TFDP2: variants seen among roughly 807,000 people sequenced by gnomAD.
TFDP2 encodes the protein transcription factor Dp-2.
A neutral mutation model predicts 59.3 loss-of-function variants in TFDP2; 17 were observed. The ratio of observed to expected loss-of-function variants is 0.29; its 90% confidence interval spans 0.20 to 0.43. The LOEUF is 0.43. Ranked by LOEUF, TFDP2 falls within the 20% of genes least tolerant of loss-of-function variation. The pLI is 1.00. For missense variants in TFDP2, 391 were observed against 528.8 expected (o/e 0.74, Z 2.56); for synonymous variants, 180 against 194.7 (o/e 0.92, Z 0.63).
At chr3:142,097,207 A>G (rs1483861158) in intron 2 of TFDP2, among the ~76,000 whole-genome samples, 2 of 152,214 alleles carry the variant, frequency 1.3e-5, no homozygotes, top group African/African-American at 4.8e-5. Flanking sequence ...GTGCAATCTT[A>G]GCAATATGAA....
At chr3:141,983,925 T>C (rs545734440) in intron 6 of TFDP2, among the ~76,000 whole-genome samples, 27 of 152,192 alleles carry the variant, frequency 1.8e-4, no homozygotes, top group Middle Eastern at 3.4e-3. Context: ...AAAGTAAACA[T>C]AGAATTACCA....
At chr3:142,002,579 A>C (rs1224057709) in intron 4 of TFDP2, among the ~76,000 whole-genome samples, 1 of 152,064 alleles carries the variant, frequency 6.6e-6, no homozygotes, top group African/African-American at 2.4e-5. Context: ...CATTCTGTTC[A>C]TGACCACGGA....
intron 3 of TFDP2, among the ~76,000 whole-genome samples, chr3:142,030,358 T>C (rs1946363076): frequency 6.6e-6 from 1 of 152,202 alleles, no homozygotes; most frequent in South Asian, 2.1e-4. Flanking sequence ...ATAAATCACA[T>C]AAAATTCTAT....
intron 3 of TFDP2, among the ~76,000 whole-genome samples, chr3:142,042,349 T>C (rs539316947): frequency 2.1e-4 from 32 of 152,218 alleles, no homozygotes; most frequent in Admixed American, 1.4e-3. Flanking sequence ...TGGAGTGTTG[T>C]GGCATGATCT....
intron 3 of TFDP2, among the ~76,000 whole-genome samples, chr3:142,073,711 AAAC>A (rs2108555909): frequency 6.6e-6 from 1 of 152,320 alleles, no homozygotes; most frequent in East Asian, 1.9e-4. Flanking sequence ...ATTCACTTGC[AAAC>A]AATTCACTTT....
chr3:141,985,546 C>A (rs1048256681), intron 6 of TFDP2, among the ~76,000 whole-genome samples: 7 of 145,708 alleles, frequency 4.8e-5, no homozygotes, highest in Admixed American at 4.1e-4. Flanking sequence ...AAAAAAAACA[C>A]CTATTTTTTC....
chr3:142,053,202 C>G (rs1205470998), intron 3 of TFDP2, among the ~76,000 whole-genome samples: 2 of 152,102 alleles, frequency 1.3e-5, no homozygotes, highest in Non-Finnish European at 2.9e-5. Flanking sequence ...TTGTCCGCTC[C>G]AAATCTCATG....
chr3:142,098,614 A>G (rs903937498), intron 2 of TFDP2, among the ~76,000 whole-genome samples: 3 of 152,140 alleles, frequency 2.0e-5, no homozygotes, highest in Non-Finnish European at 4.4e-5. Context: ...AAACATAAAT[A>G]CTAAAAAGGG....
chr3:142,138,959 T>C (rs1288339482), intron 1 of TFDP2, among the ~76,000 whole-genome samples: 4 of 152,058 alleles, frequency 2.6e-5, no homozygotes, highest in Non-Finnish European at 4.4e-5. Flanking sequence ...AATATTGACA[T>C]TGGGATGTTA....
intron 6 of TFDP2, among the ~76,000 whole-genome samples, chr3:141,982,518 C>T (rs11569217): frequency 2.8e-4 from 43 of 152,028 alleles, no homozygotes; most frequent in Non-Finnish European, 5.0e-4. Context: ...ACCTTCAGGC[C>T]AGCCAGTTAC....
Position 141,978,742 on chromosome 3 carries a change from T to A in TFDP2, c.357-60A>T, listed in dbSNP as rs1447212475. On this transcript the variant is annotated intron_variant, in intron 6 of 12. Transcript: ENST00000489671. ...ACATATTAGAGACTTTCTTTACAAA[T>A]CTCTGTAAGATAATGCAAGAAGACA... 3 of 1,287,464 alleles carry A rather than the reference T, an allele frequency of 2.3e-6. No individual in the cohort carries two copies. The African/African-American group carries it at 4.5e-5, about 20-fold the overall frequency. The allele number at this position is 1,287,464 out of a possible 1,614,324, so 79.8% of individuals were successfully genotyped here.
intron 3 of TFDP2, among the ~76,000 whole-genome samples, chr3:142,074,743 T>C (rs2108559767): frequency 6.6e-6 from 1 of 152,182 alleles, no homozygotes; most frequent in South Asian, 2.1e-4. Context: ...TCCCGGCTAC[T>C]CGGGAGGCTG....
In TFDP2 at chr3:142,042,776, T is replaced by C. The variant is rs1315550107; in HGVS notation, c.83-37232A>G. Among the ~76,000 whole-genome samples, 10 of 148,784 alleles carry C rather than the reference T, an allele frequency of 6.7e-5. No individual in the cohort carries two copies. In the East Asian group the frequency reaches 2.0e-3, roughly 29 times the overall value. ...TTTTTTTGAGACGGAGTTTCGCTTTTTTGCCCAGGCTGGAGTGCAATGGCT... is the reference window on the plus strand; with the variant it reads ...TTTTTTTGAGACGGAGTTTCGCTTTCTTGCCCAGGCTGGAGTGCAATGGCT... On this transcript the variant is annotated intron_variant, in intron 3 of 12. Coordinates refer to ENST00000489671, the MANE Select transcript of TFDP2 (RefSeq NM_001178139.2).
At position 141,984,731 on chromosome 3, in the gene TFDP2, T is replaced by C. The variant is rs369673838; in HGVS notation, c.357-6049A>G. 7.2e-5 allele frequency among the ~76,000 whole-genome samples: 11 copies of C among 152,328 alleles called. No homozygotes were observed. In the East Asian group the frequency reaches 1.5e-3, roughly 21 times the overall value. On this transcript the variant is annotated intron_variant, in intron 6 of 12. Coordinates refer to ENST00000489671, the MANE Select transcript of TFDP2 (RefSeq NM_001178139.2). ...TTTTGGTTTTGAACTGACTTATGTT[T>C]TGTTGTCTTTGATGCTTAAGTTTTG...
intron 6 of TFDP2, among the ~76,000 whole-genome samples, chr3:141,984,360 G>A (rs981057610): frequency 6.6e-6 from 1 of 152,168 alleles, no homozygotes; most frequent in African/African-American, 2.4e-5. Flanking sequence ...TAGCTGGTGT[G>A]GTGGCGCGTG....
intron 3 of TFDP2, among the ~76,000 whole-genome samples, chr3:142,083,098 TA>T (rs1370676703): frequency 1.4e-4 from 22 of 152,274 alleles, no homozygotes; most frequent in Non-Finnish European, 7.4e-5. Context: ...TTGCAGATAA[TA>T]TATTACATTT....
intron 12 of TFDP2, 35 bp from the exon 13 acceptor site, chr3:141,952,731 T>C: frequency 6.2e-7 from 1 of 1,605,400 alleles, no homozygotes; most frequent in East Asian, 2.2e-5. Flanking sequence ...GGCTCATTAA[T>C]GTGGTATAAA....
chr3:142,115,315 C>CTTTTTTTTTTTTTTTTTTTT (rs906368574), intron 1 of TFDP2, among the ~76,000 whole-genome samples: 1 of 130,976 alleles, frequency 7.6e-6, no homozygotes, highest in Non-Finnish European at 1.6e-5. Context: ...CACGCATTTT[C>CTTTTTTTTTTTTTTTTTTTT]TTTTTTTTTT....
At chr3:142,130,547 T>C (rs1015741342) in intron 1 of TFDP2, among the ~76,000 whole-genome samples, 2 of 152,004 alleles carry the variant, frequency 1.3e-5, no homozygotes, top group African/African-American at 4.8e-5. Context: ...CGTGCAGGTT[T>C]GTTACATATG....
Sources: allele counts gnomAD v4.1 joint callset (sites outside exome capture counted in the v4.1 genomes callset), GRCh38; gene constraint gnomAD v4.1.1; transcripts MANE v1.5; gene names NCBI Gene and HGNC (gene_info 2026-07-23, HGNC 2026-07-21).